The following PTPN9 variants were observed in gnomAD, a reference collection of about 807,000 sequenced individuals.
The protein encoded by PTPN9 is tyrosine-protein phosphatase non-receptor type 9.
Under a neutral mutation model 69.8 loss-of-function variants are expected in PTPN9, and 26 were observed. That is an observed-to-expected ratio of 0.37 (90% CI 0.27 to 0.52). PTPN9 has a LOEUF of 0.52. Ranked by LOEUF, PTPN9 falls within the 20% of genes least tolerant of loss-of-function variation. The pLI, the probability that PTPN9 is intolerant of heterozygous loss-of-function variation, is 0.91. For synonymous variants in PTPN9, 274 were observed against 272.5 expected, an observed-to-expected ratio of 1.01 and a Z score of -0.05; for missense variants, 549 against 740.3, an observed-to-expected ratio of 0.74 and a Z score of 3.00.
At chr15:75,566,956 T>C (rs1258583393) in intron 1 of PTPN9, among the ~76,000 whole-genome samples, 4 of 151,940 alleles carry the variant, frequency 2.6e-5, no homozygotes, top group Admixed American at 6.6e-5. Flanking sequence ...TGCCACCACA[T>C]TCCAGCCTCG....
intron 7 of PTPN9, among the ~76,000 whole-genome samples, chr15:75,504,112 G>A (rs1179332364): frequency 4.2e-5 from 5 of 119,674 alleles, no homozygotes; most frequent in South Asian, 5.6e-4. Context: ...CAGCCGCCCC[G>A]TCCGGGAGGG....
chr15:75,553,277 A>G (rs1230170725), intron 1 of PTPN9, among the ~76,000 whole-genome samples: 6 of 152,218 alleles, frequency 3.9e-5, no homozygotes. Flanking sequence ...AGATCTTAGT[A>G]GACTTGAATC....
intron 8 of PTPN9, among the ~76,000 whole-genome samples, chr15:75,486,987 G>A (rs942403089): frequency 6.6e-6 from 1 of 151,680 alleles, no homozygotes; most frequent in Non-Finnish European, 1.5e-5. Flanking sequence ...GGGTTTCACC[G>A]TGTTAGCCAG....
At chr15:75,558,794 G>T (rs1338693776) in intron 1 of PTPN9, among the ~76,000 whole-genome samples, 2 of 152,074 alleles carry the variant, frequency 1.3e-5, no homozygotes, top group African/African-American at 2.4e-5. Flanking sequence ...GCCTCCCAAG[G>T]TGCCGGGATT....
intron 4 of PTPN9, among the ~76,000 whole-genome samples, chr15:75,519,385 G>A (rs1004541719): frequency 1.3e-5 from 2 of 151,996 alleles, no homozygotes; most frequent in African/African-American, 4.8e-5. Flanking sequence ...GATTACAGGC[G>A]TGAGCCACTA....
At chr15:75,544,910 G>A (rs577962033) in intron 1 of PTPN9, among the ~76,000 whole-genome samples, 1 of 152,198 alleles carries the variant, frequency 6.6e-6, no homozygotes, top group Non-Finnish European at 1.5e-5. Context: ...TCCAGATCAT[G>A]CTAAAACATT....
intron 4 of PTPN9, among the ~76,000 whole-genome samples, chr15:75,519,073 G>C (rs1037826418): frequency 6.6e-6 from 1 of 152,142 alleles, no homozygotes; most frequent in Non-Finnish European, 1.5e-5. Context: ...AAAATGTTTG[G>C]CACAAAACTC....
In PTPN9 at chr15:75,569,948, G is replaced by A. The variant is rs1355012964; in HGVS notation, c.63+8766C>T. Among the ~76,000 whole-genome samples the A allele has an allele frequency of 2.6e-5, 4 of 151,924 alleles. No homozygotes were observed. The East Asian group carries it at 7.9e-4, about 30-fold the overall frequency. On this transcript the variant is annotated intron_variant, in intron 1 of 12. Transcript: ENST00000618819. ...CAATTCTCCTGCCTCAGCCTCCCGAGTAGCTGGGACTACAGGTGAGCGCCA... is the reference window on the plus strand; with the variant it reads ...CAATTCTCCTGCCTCAGCCTCCCGAATAGCTGGGACTACAGGTGAGCGCCA...
intron 1 of PTPN9, among the ~76,000 whole-genome samples, chr15:75,533,494 C>T (rs1476407177): frequency 2.0e-5 from 3 of 152,086 alleles, no homozygotes; most frequent in African/African-American, 7.2e-5. Flanking sequence ...CTCCTGGGCT[C>T]AAGAAATCCA....
chr15:75,537,753 C>CAAAAAAAAAAAAAAAAAAAAAAA lies in PTPN9; in HGVS notation c.64-10515_64-10493dup, dbSNP rs1164644727. ...AGGGCAACAGAGGGAGACTCCATCT[C>CAAAAAAAAAAAAAAAAAAAAAAA]AAAAAAAAAAAAAAAAAAAAAAAGG... On this transcript the variant is annotated intron_variant, in intron 1 of 12. Transcript: ENST00000618819. 1.9e-3 allele frequency among the ~76,000 whole-genome samples: 22 copies of CAAAAAAAAAAAAAAAAAAAAAAA among 11,390 alleles called. 4 individuals carry two copies. Among genetic ancestry groups the CAAAAAAAAAAAAAAAAAAAAAAA allele is most frequent in the Non-Finnish European group, 2.7e-3 (17 of 6,410 alleles). The allele number at this position is 11,390 out of a possible 152,430, so 7.5% of individuals were successfully genotyped here.
Position 75,466,312 on chromosome 15 carries a change from C to T in PTPN9, c.*2457G>A, listed in dbSNP as rs1224733620. On this transcript the variant is annotated 3_prime_UTR_variant, in exon 13 of 13. Transcript: ENST00000618819. ...TGGCTGCTATGACTATTATTAAGAA[C>T]ACCCCAATATTTCCCAGCCACAACT... 2.0e-5 allele frequency: 3 copies of T among 152,208 alleles called. No individual in the cohort carries two copies. Among genetic ancestry groups the T allele is most frequent in the Non-Finnish European group, 4.4e-5 (3 of 68,048 alleles). 9.4% of individuals were successfully genotyped at this position (152,208 alleles called of 1,614,324 possible).
intron 3 of PTPN9, 81 bp from the exon 4 acceptor site, chr15:75,523,326 G>T: frequency 6.9e-7 from 1 of 1,441,902 alleles, no homozygotes; most frequent in Non-Finnish European, 9.4e-7. Context: ...ACTGGATAAG[G>T]GTTTGATACA....
intron 7 of PTPN9, among the ~76,000 whole-genome samples, chr15:75,493,231 G>A (rs1241258162): frequency 2.6e-5 from 4 of 151,558 alleles, no homozygotes; most frequent in Admixed American, 2.0e-4. Flanking sequence ...TAAAAAAAAA[G>A]ATAGTCAATA....
intron 5 of PTPN9, among the ~76,000 whole-genome samples, chr15:75,510,787 A>G (rs1368082433): frequency 1.3e-5 from 2 of 152,164 alleles, no homozygotes; most frequent in Non-Finnish European, 2.9e-5. Flanking sequence ...GTATGTTCAC[A>G]ATGCAGCCAT....
intron 5 of PTPN9, among the ~76,000 whole-genome samples, chr15:75,514,523 G>A (rs1363659773): frequency 1.3e-5 from 2 of 152,178 alleles, no homozygotes; most frequent in African/African-American, 2.4e-5. Flanking sequence ...AGGTTGCAGT[G>A]AGCCAAGATC....
chr15:75,507,997 G>A (rs1460646550), intron 6 of PTPN9, among the ~76,000 whole-genome samples: 1 of 143,052 alleles, frequency 7.0e-6, no homozygotes, highest in Non-Finnish European at 1.5e-5. Flanking sequence ...AGCCAAGATC[G>A]TGCCACTGCA....
At chr15:75,480,816 GGGGCCCGAGGGCAAGGAGCAGCCGCCTGC>G (rs2074627865) in intron 8 of PTPN9, 1 of 534,022 alleles carries the variant, frequency 1.9e-6, no homozygotes, top group South Asian at 5.6e-5. Context: ...CGGGCCCCGC[GGGGCCCGAGGGCAAGGAGCAGCCGCCTGC>G]CTTGGCCTCC....
chr15:75,540,679 G>A (rs756918334), intron 1 of PTPN9, among the ~76,000 whole-genome samples: 11 of 152,082 alleles, frequency 7.2e-5, no homozygotes, highest in Non-Finnish European at 1.3e-4. Flanking sequence ...CGGCTGCTAG[G>A]TGAGGTGACA....
At chr15:75,535,068 C>T (rs1595963789) in intron 1 of PTPN9, among the ~76,000 whole-genome samples, 1 of 151,418 alleles carries the variant, frequency 6.6e-6, no homozygotes, top group South Asian at 2.1e-4. Flanking sequence ...GTGATCTCGG[C>T]TCACTGCAAG....
Sources: gnomAD v4.1 joint callset for allele counts (sites outside exome capture counted in the v4.1 genomes callset) on GRCh38, gnomAD v4.1.1 for gene constraint, MANE v1.5 for transcripts, NCBI Gene and HGNC (gene_info 2026-07-23, HGNC 2026-07-21) for gene names.